The following IQSEC3 variants were observed in gnomAD, a reference collection of about 807,000 sequenced individuals.
The protein encoded by IQSEC3 is IQ motif and Sec7 domain ArfGEF 3.
In IQSEC3, 50 loss-of-function variants were observed where a neutral mutation model predicts 105.4. That is an observed-to-expected ratio of 0.47 (90% CI 0.38 to 0.60). The LOEUF is 0.60. Among genes scored for constraint, IQSEC3 ranks in the 20% least tolerant of loss-of-function variants. The pLI, the probability that IQSEC3 is intolerant of heterozygous loss-of-function variation, is 0.00. For synonymous variants in IQSEC3, 708 were observed against 746.0 expected (o/e 0.95, Z 0.83); for missense variants, 1,415 against 1,630.0 (o/e 0.87, Z 2.27).
At chr12:160,586 C>CA (rs1158439455) in intron 7 of IQSEC3, among the ~76,000 whole-genome samples, 1 of 152,144 alleles carries the variant, frequency 6.6e-6, no homozygotes, top group African/African-American at 2.4e-5. Flanking sequence ...TCCCTCATCT[C>CA]AGAGTTCCAG....
At chr12:67,918 G>T (rs1484196451) in intron 1 of IQSEC3, among the ~76,000 whole-genome samples, 1 of 152,132 alleles carries the variant, frequency 6.6e-6, no homozygotes, top group Non-Finnish European at 1.5e-5. Flanking sequence ...TAAAAAGGCT[G>T]GGGCCCAGGA....
chr12:100,121 C>G (rs994843607), intron 2 of IQSEC3, among the ~76,000 whole-genome samples: 1 of 152,228 alleles, frequency 6.6e-6, no homozygotes, highest in Non-Finnish European at 1.5e-5. Flanking sequence ...AGTTACTCCA[C>G]TGCCCTGGGC....
intron 4 of IQSEC3, 148 bp from the exon 5 acceptor site, chr12:140,976 G>C: frequency 1.3e-6 from 1 of 750,706 alleles, no homozygotes. Context: ...AGGACATTCA[G>C]TGGGTTGAGG....
At chr12:141,397 CTTCCAGA>C (rs1866021387) in intron 5 of IQSEC3, 112 bp downstream of exon 5, 1 of 1,184,984 alleles carries the variant, frequency 8.4e-7, no homozygotes, top group African/African-American at 1.5e-5. Context: ...CAGCTTCCAG[CTTCCAGA>C]TTGTCCACAG....
chr12:115,182 T>C (rs574633948), intron 2 of IQSEC3, among the ~76,000 whole-genome samples: 3 of 152,290 alleles, frequency 2.0e-5, no homozygotes, highest in African/African-American at 7.2e-5. Flanking sequence ...AAGACTCCTG[T>C]TTTCAGCAAG....
rs2137077170 is a variant in IQSEC3, at chr12:174,766, G to A, written c.3282G>A (p.Gln1094=). ...CCCCGGGCACCCTGGTGCAGTGCCA[G>A]CAAATTGTCAAGGTCATTGTCCTGG... is the stretch of plus-strand genomic sequence containing the variant. ...PTPPGTLVQC[Q]QIVKVIVLDK... is the part of the protein sequence containing the mutation. The change falls in exon 14 of 14, where the codon CAG becomes CAA. Residue 1094 remains glutamine (Q), a synonymous_variant. Coordinates refer to ENST00000538872, the MANE Select transcript of IQSEC3 (RefSeq NM_001170738.2). The A allele has an allele frequency of 6.3e-7, 1 of 1,590,474 alleles. No individual in the cohort carries two copies.
chr12:70,156 G>A (rs868978187), intron 1 of IQSEC3, among the ~76,000 whole-genome samples: 4 of 152,244 alleles, frequency 2.6e-5, no homozygotes, highest in Non-Finnish European at 4.4e-5. Context: ...GTGGGTGAGG[G>A]TTTCCAGAGG....
intron 5 of IQSEC3, among the ~76,000 whole-genome samples, chr12:147,452 C>T (rs782519207): frequency 2.0e-5 from 3 of 152,172 alleles, no homozygotes; most frequent in Admixed American, 6.5e-5. Flanking sequence ...GGAGCTTGCC[C>T]ACAGTCACAG....
Position 138,982 on chromosome 12 carries a change from C to A in IQSEC3, c.1619C>A (p.Ala540Asp), listed in dbSNP as rs530779417. The A allele has an allele frequency of 2.6e-6, 4 of 1,538,844 alleles. No individual in the cohort carries two copies. Among genetic ancestry groups the A allele is most frequent in the Non-Finnish European group, 3.5e-6 (4 of 1,142,716 alleles). Residue 540 changes from alanine (A) to aspartate (D), a missense_variant, in exon 4 of 14, where the codon GCC becomes GAC. Transcript: ENST00000538872. This position sits in a 1 kb window ranked among gnomAD's most constrained non-coding sequence, Gnocchi z 7.1. ...ACCTCTGGGCGGGAGGCCCCGGAAG[C>A]CCCCGCCGTGGGCCGGGAGGACGCG... ...GETSGREAPEAPAVGREDASA... is the reference protein window; with the variant it reads ...GETSGREAPEDPAVGREDASA...
Position 138,167 on chromosome 12 carries a change from G to A in IQSEC3, c.904-100G>A, listed in dbSNP as rs1865846368. ...GCCCCCCCGCCCCCGTCCATTCCTG[G>A]GCCCCACCCGAGTGTGGCCGGGTGA... On this transcript the variant is annotated intron_variant, in intron 3 of 13. Transcript: ENST00000538872. This position sits in a 1 kb window ranked among gnomAD's most constrained non-coding sequence, Gnocchi z 7.1. 2.7e-6 allele frequency: 3 copies of A among 1,131,418 alleles called. No homozygotes were observed. The highest frequency in any genetic ancestry group is 4.6e-5 in the Admixed American group (2 of 43,190). The allele number at this position is 1,131,418 out of a possible 1,614,324, so 70.1% of individuals were successfully genotyped here.
chr12:132,162 A>C (rs566974576), intron 3 of IQSEC3, among the ~76,000 whole-genome samples: 2 of 152,230 alleles, frequency 1.3e-5, no homozygotes, highest in South Asian at 4.1e-4. Flanking sequence ...TAGGTCTCGA[A>C]GAAGAGGACA....
chr12:125,930 G>A lies in IQSEC3; in HGVS notation c.903+18G>A. The A allele has an allele frequency of 6.6e-7, 1 of 1,524,152 alleles. No individual in the cohort carries two copies. Among genetic ancestry groups the A allele is most frequent in the South Asian group, 1.2e-5 (1 of 83,586 alleles). The allele number at this position is 1,524,152 out of a possible 1,614,324, so 94.4% of individuals were successfully genotyped here. ...ATAAACAGGTACCCAGGGCCTCCTA[G>A]GGGGGCGGGGAGGGTGGTGAAGGGG... On this transcript the variant is annotated intron_variant, in intron 3 of 13. Transcript: ENST00000538872.
intron 13 of IQSEC3, among the ~76,000 whole-genome samples, chr12:173,624 C>T (rs1939122566): frequency 6.6e-6 from 1 of 152,194 alleles, no homozygotes; most frequent in Non-Finnish European, 1.5e-5. Flanking sequence ...ATAGAAAGAT[C>T]CTCAGAGAGG....
At chr12:158,593 A>T (rs1158694996) in intron 7 of IQSEC3, among the ~76,000 whole-genome samples, 1 of 152,224 alleles carries the variant, frequency 6.6e-6, no homozygotes, top group African/African-American at 2.4e-5. Context: ...CCATTTGACG[A>T]GTCCTGCCAG....
At chr12:84,998 G>T (rs1423233224) in intron 1 of IQSEC3, among the ~76,000 whole-genome samples, 2 of 152,148 alleles carry the variant, frequency 1.3e-5, no homozygotes, top group African/African-American at 4.8e-5. Flanking sequence ...TCCTCGGGAG[G>T]TCGTCAAACC....
At chr12:167,643 G>C (rs1234765313) in intron 11 of IQSEC3, 1 of 151,812 alleles carries the variant, frequency 6.6e-6, no homozygotes, top group Non-Finnish European at 1.5e-5. Context: ...ACTCTGGGAA[G>C]CTCAGGAGGG....
Position 157,093 on chromosome 12 carries a change from A to G in IQSEC3, c.2222A>G (p.His741Arg). ...LDEALRKFQA[H>R]IRVQGEAQKV... Reference sequence around the variant, plus strand: ...GAGGCCCTGCGCAAGTTCCAGGCACACATCCGTGTGCAGGGGGAGGCTCAG... The same window carrying G: ...GAGGCCCTGCGCAAGTTCCAGGCACGCATCCGTGTGCAGGGGGAGGCTCAG... The change falls in exon 6 of 14, where the codon CAC becomes CGC. Residue 741 changes from histidine to arginine, a missense_variant. By Grantham distance (29) the His-to-Arg change is conservative. Coordinates refer to ENST00000538872, the MANE Select transcript of IQSEC3 (RefSeq NM_001170738.2). 1.2e-6 allele frequency: 2 copies of G among 1,604,762 alleles called. No homozygotes were observed. Among genetic ancestry groups the G allele is most frequent in the Non-Finnish European group, 1.7e-6 (2 of 1,175,578 alleles).
At position 138,312 on chromosome 12, in the gene IQSEC3, C is replaced by T. The variant is rs1414854106; in HGVS notation, c.949C>T (p.Arg317Cys). ...GTACGGCGGTCACCTGGTGTCCCGG[C>T]GCGCCGCTTGCACCATCCAAACCGC... ...HKYGGHLVSR[R>C]AACTIQTAFR... Residue 317 changes from arginine to cysteine, a missense_variant, in exon 4 of 14, where the codon CGC becomes TGC. Arg to Cys is a radical substitution (Grantham distance 180). Around this residue, in one of 6 missense-constraint regions of IQSEC3, gnomAD observed 720 missense variants for 633.0 expected, o/e 1.14. Transcript: ENST00000538872. The surrounding 1 kb of genome is among the most constrained non-coding windows in gnomAD (Gnocchi z 7.1). 4 of 1,613,740 alleles carry T rather than the reference C, an allele frequency of 2.5e-6. No homozygotes were observed. The highest frequency in any genetic ancestry group is 2.2e-5 in the East Asian group (1 of 44,876).
At position 138,315 on chromosome 12, in the gene IQSEC3, G is replaced by A. The variant is rs1170799147; in HGVS notation, c.952G>A (p.Ala318Thr). Residue 318 changes from alanine to threonine, a missense_variant, in exon 4 of 14, where the codon GCC becomes ACC. By Grantham distance (58) the Ala-to-Thr change is moderately conservative. Coordinates refer to ENST00000538872, the MANE Select transcript of IQSEC3 (RefSeq NM_001170738.2). This position sits in a 1 kb window ranked among gnomAD's most constrained non-coding sequence, Gnocchi z 7.1. ...CGGCGGTCACCTGGTGTCCCGGCGCGCCGCTTGCACCATCCAAACCGCCTT... is the reference window on the plus strand; with the variant it reads ...CGGCGGTCACCTGGTGTCCCGGCGCACCGCTTGCACCATCCAAACCGCCTT... ...KYGGHLVSRR[A>T]ACTIQTAFRQ... The A allele has an allele frequency of 6.2e-7, 1 of 1,613,654 alleles. No homozygotes were observed. The highest frequency in any genetic ancestry group is 8.5e-7 in the Non-Finnish European group (1 of 1,179,928).
Sources: allele counts gnomAD v4.1 joint callset (sites outside exome capture counted in the v4.1 genomes callset), GRCh38; gene constraint gnomAD v4.1.1; regional missense constraint gnomAD v4.1.1; non-coding constraint Gnocchi (gnomAD v3.1); transcripts MANE v1.5; gene names NCBI Gene and HGNC (gene_info 2026-07-23, HGNC 2026-07-21).